OTOGL: variants seen among roughly 807,000 people sequenced by gnomAD.
OTOGL encodes the protein otogelin-like protein.
OTOGL carries 285 observed loss-of-function variants against 318.5 expected under a neutral mutation model. That is an observed-to-expected ratio of 0.89 (90% CI 0.81 to 0.99). The LOEUF is 0.99. Among genes scored for constraint, OTOGL ranks in the 50% least tolerant of loss-of-function variants. The probability of loss-of-function intolerance (pLI) is 0.00; values close to 1 mark genes in which losing one functional copy is unlikely to be tolerated. For missense variants in OTOGL, 2,899 were observed against 2,845.6 expected (o/e 1.02, Z -0.43); for synonymous variants, 987 against 936.5 (o/e 1.05, Z -0.99).
intron 11 of OTOGL, among the ~76,000 whole-genome samples, chr12:80,244,135 A>G (rs1285081606): frequency 1.3e-5 from 2 of 150,498 alleles, no homozygotes; most frequent in African/African-American, 4.9e-5. Context: ...CTAAGAAGCT[A>G]TGGAAGAAGG....
intron 7 of OTOGL, among the ~76,000 whole-genome samples, chr12:80,226,177 A>AACACACACAC (rs35975748): frequency 0.027 from 3,582 of 132,896 alleles, 94 homozygotes; most frequent in Non-Finnish European, 0.036. Flanking sequence ...TCCTGCTCCT[A>AACACACACAC]ACACACACAC....
chr12:80,364,123 G>T (rs901763543), intron 52 of OTOGL, among the ~76,000 whole-genome samples: 2 of 151,966 alleles, frequency 1.3e-5, no homozygotes, highest in African/African-American at 4.8e-5. Flanking sequence ...TATTAGCATT[G>T]TGCTAGACAC....
chr12:80,102,541 T>C (rs1158578432), intron 1 of OTOGL, among the ~76,000 whole-genome samples: 2 of 152,294 alleles, frequency 1.3e-5, no homozygotes, highest in East Asian at 3.9e-4. Context: ...CGGCTACTTC[T>C]CTACATCTCC....
chr12:80,107,405 CTAT>C (rs1340709386), intron 1 of OTOGL, among the ~76,000 whole-genome samples: 2 of 151,858 alleles, frequency 1.3e-5, no homozygotes, highest in Admixed American at 1.3e-4. Context: ...GAATTTTTGG[CTAT>C]TATTAAAGTG....
intron 32 of OTOGL, among the ~76,000 whole-genome samples, chr12:80,315,757 C>T (rs1886929469): frequency 6.6e-6 from 1 of 152,074 alleles, no homozygotes; most frequent in Non-Finnish European, 1.5e-5. Context: ...GTATTTGTTA[C>T]ATTTATAGAA....
In OTOGL at chr12:80,166,108, G is replaced by A. The variant is rs563373421; in HGVS notation, c.-19-43305G>A. Among the ~76,000 whole-genome samples, 7 of 151,808 alleles carry A rather than the reference G, an allele frequency of 4.6e-5. No homozygotes were observed. In the East Asian group the frequency reaches 1.4e-3, roughly 29 times the overall value. ...TTTTGTTTGCAAGATGCTTTTTATTGTTGCTATTTGTCTTCTCTGAGATAT... is the reference window on the plus strand; with the variant it reads ...TTTTGTTTGCAAGATGCTTTTTATTATTGCTATTTGTCTTCTCTGAGATAT... On this transcript the variant is annotated intron_variant, in intron 1 of 58. Transcript: ENST00000547103.
In OTOGL at chr12:80,129,602, C is replaced by G. The variant is rs548778563; in HGVS notation, c.-20+29997C>G. ...CCCTTCCTCTTGATACCTTGAATCA[C>G]TATCTCATTTTTTTTTTCTTTTACA... On this transcript the variant is annotated intron_variant, in intron 1 of 58. Coordinates refer to ENST00000547103, the MANE Select transcript of OTOGL (RefSeq NM_001378609.3). 1.0e-3 allele frequency among the ~76,000 whole-genome samples: 154 copies of G among 152,208 alleles called. 1 individual carries two copies. Among genetic ancestry groups the G allele is most frequent in the African/African-American group, 3.6e-3 (149 of 41,544 alleles).
At chr12:80,158,897 C>A (rs1386936373) in intron 1 of OTOGL, among the ~76,000 whole-genome samples, 1 of 152,016 alleles carries the variant, frequency 6.6e-6, no homozygotes, top group Non-Finnish European at 1.5e-5. Context: ...GAGTGGGCAT[C>A]CTTATCCTGT....
At chr12:80,290,963 T>C (rs1466722472) in intron 26 of OTOGL, among the ~76,000 whole-genome samples, 1 of 152,222 alleles carries the variant, frequency 6.6e-6, no homozygotes, top group Admixed American at 6.5e-5. Flanking sequence ...TGCAGAATGC[T>C]GGGCATTTGG....
chr12:80,121,583 T>TA (rs368943470), intron 1 of OTOGL, among the ~76,000 whole-genome samples: 3 of 152,154 alleles, frequency 2.0e-5, no homozygotes, highest in African/African-American at 4.8e-5. Context: ...CAAAACAAAA[T>TA]AAAAAACCAA....
chr12:80,128,062 G>T (rs1483991577), intron 1 of OTOGL, among the ~76,000 whole-genome samples: 1 of 152,206 alleles, frequency 6.6e-6, no homozygotes, highest in Admixed American at 6.5e-5. Flanking sequence ...TTTCCATCCA[G>T]CTTTGTTCCG....
intron 1 of OTOGL, among the ~76,000 whole-genome samples, chr12:80,108,968 A>C (rs10862051): frequency 0.55 from 77,083 of 139,978 alleles, 21,888 homozygotes; most frequent in Middle Eastern, 0.58. Context: ...ACACACATAT[A>C]TAATTTACGG....
intron 27 of OTOGL, among the ~76,000 whole-genome samples, chr12:80,299,750 T>C (rs1344449086): frequency 3.9e-5 from 6 of 152,190 alleles, no homozygotes; most frequent in Non-Finnish European, 8.8e-5. Context: ...TTCTAACATA[T>C]CTTGCTAACA....
chr12:80,260,782 A>G lies in OTOGL; in HGVS notation c.1890-1187A>G, dbSNP rs183783849. ...GTAAACTAAATGAAATAAGAGAGCC[A>G]AGCTCTAAGTCAGTTCCACCTGGAA... On this transcript the variant is annotated intron_variant, in intron 18 of 58. Transcript: ENST00000547103. Among the ~76,000 whole-genome samples, 34 of 152,260 alleles carry G rather than the reference A, an allele frequency of 2.2e-4. No homozygotes were observed. The East Asian group carries it at 6.4e-3, about 29-fold the overall frequency.
chr12:80,142,894 A>G (rs185181214), intron 1 of OTOGL, among the ~76,000 whole-genome samples: 1 of 152,266 alleles, frequency 6.6e-6, no homozygotes, highest in East Asian at 1.9e-4. Context: ...GGGCTTTCCC[A>G]TGCTACATTG....
intron 23 of OTOGL, among the ~76,000 whole-genome samples, chr12:80,270,660 A>G (rs1011943665): frequency 1.3e-4 from 20 of 152,176 alleles, no homozygotes; most frequent in African/African-American, 4.3e-4. Context: ...CCTGGGCTGC[A>G]TTATGAGTAG....
chr12:80,159,638 AT>A (rs1424174173), intron 1 of OTOGL, among the ~76,000 whole-genome samples: 3 of 152,120 alleles, frequency 2.0e-5, no homozygotes, highest in Admixed American at 2.0e-4. Flanking sequence ...ATGCTCCTGG[AT>A]GGGTAGAATC....
chr12:80,146,887 G>A (rs201245594), intron 1 of OTOGL, among the ~76,000 whole-genome samples: 1 of 148,676 alleles, frequency 6.7e-6, no homozygotes, highest in Admixed American at 6.7e-5. Context: ...TTGTATTTCT[G>A]TGGGATTGGT....
intron 27 of OTOGL, among the ~76,000 whole-genome samples, chr12:80,302,138 C>CTTTT (rs1215415550): frequency 6.6e-6 from 1 of 152,152 alleles, no homozygotes; most frequent in Admixed American, 6.5e-5. Context: ...GCAATGTCTC[C>CTTTT]TACCAAACTT....
Sources: gnomAD v4.1 joint callset for allele counts (sites outside exome capture counted in the v4.1 genomes callset) on GRCh38, gnomAD v4.1.1 for gene constraint, MANE v1.5 for transcripts, NCBI Gene and HGNC (gene_info 2026-07-23, HGNC 2026-07-21) for gene names.